The following BAZ1B variants were observed in gnomAD, a reference collection of about 807,000 sequenced individuals.
BAZ1B encodes bromodomain adjacent to zinc finger domain 1B.
In BAZ1B, 22 loss-of-function variants were observed where a neutral mutation model predicts 153.8. That is an observed-to-expected ratio of 0.14 (90% confidence interval 0.10 to 0.20). The LOEUF (loss-of-function observed/expected upper bound fraction) is 0.20. BAZ1B is among the 10% of genes least tolerant of loss of function. BAZ1B has a pLI of 1.00. For synonymous variants in BAZ1B, 676 were observed against 633.4 expected (o/e 1.07, Z -1.01); for missense variants, 1,325 against 1,799.3 (o/e 0.74, Z 4.77).
intron 16 of BAZ1B, among the ~76,000 whole-genome samples, chr7:73,445,930 G>A (rs183576279): frequency 4.3e-4 from 66 of 152,338 alleles, no homozygotes; most frequent in African/African-American, 1.5e-3. Flanking sequence ...ACCAACAGAA[G>A]AGGATATTCC....
intron 12 of BAZ1B, 192 bp downstream of exon 12, chr7:73,462,730 G>A: frequency 1.6e-6 from 1 of 613,612 alleles, no homozygotes; most frequent in Non-Finnish European, 2.8e-6. Context: ...AGTTTTTCTG[G>A]ATAGCAGCAA....
At chr7:73,501,613 A>G (rs182699448) in intron 3 of BAZ1B, among the ~76,000 whole-genome samples, 10 of 152,248 alleles carry the variant, frequency 6.6e-5, no homozygotes, top group Admixed American at 3.3e-4. Context: ...CATCTGTCCT[A>G]AAGTTTGTAA....
chr7:73,447,108 T>C (rs1583883928), intron 16 of BAZ1B, among the ~76,000 whole-genome samples, 156 bp downstream of exon 16: 1 of 152,182 alleles, frequency 6.6e-6, no homozygotes, highest in East Asian at 1.9e-4. Context: ...TGGAAACCCA[T>C]TTAAACCCAT....
intron 13 of BAZ1B, among the ~76,000 whole-genome samples, chr7:73,459,129 T>C (rs1363057252): frequency 6.6e-6 from 1 of 151,480 alleles, no homozygotes; most frequent in African/African-American, 2.4e-5. Context: ...GCACCTGTAG[T>C]CCCAGCTACT....
intron 11 of BAZ1B, chr7:73,464,144 C>A (rs1353409973): frequency 1.0e-6 from 1 of 984,830 alleles, no homozygotes; most frequent in African/African-American, 1.7e-5. Flanking sequence ...AAAAGTCTGG[C>A]AATGGTGTAG....
chr7:73,487,648 T>C (rs1363717707), intron 6 of BAZ1B, among the ~76,000 whole-genome samples: 2 of 152,184 alleles, frequency 1.3e-5, no homozygotes, highest in Non-Finnish European at 2.9e-5. Flanking sequence ...GGAGTTCTCA[T>C]ATAGCGAAGA....
At chr7:73,470,758 C>G (rs946076564) in intron 7 of BAZ1B, among the ~76,000 whole-genome samples, 3 of 152,152 alleles carry the variant, frequency 2.0e-5, no homozygotes, top group Non-Finnish European at 4.4e-5. Flanking sequence ...TGTTTTGAGG[C>G]AGAGTCTTGC....
In BAZ1B at chr7:73,476,857, T is replaced by C. The variant is rs781936292; in HGVS notation, c.2593+11A>G. On this transcript the variant is annotated intron_variant, in intron 7 of 19. Transcript: ENST00000339594. ...CAGAGCTTCCCCTTTTCTCTCAGCATGAAATTTTACCTTTCATTTCTCTTT... is the reference window on the plus strand; with the variant it reads ...CAGAGCTTCCCCTTTTCTCTCAGCACGAAATTTTACCTTTCATTTCTCTTT... The C allele has an allele frequency of 1.3e-6, 2 of 1,579,942 alleles. No homozygotes were observed. The highest frequency in any genetic ancestry group is 2.0e-5 in the Admixed American group (1 of 51,120).
chr7:73,518,769 T>C (rs555887161), intron 1 of BAZ1B, among the ~76,000 whole-genome samples: 1 of 152,104 alleles, frequency 6.6e-6, no homozygotes, highest in Non-Finnish European at 1.5e-5. Context: ...AGATTAACAG[T>C]ATGAATAAGC....
At chr7:73,446,546 CAAAAAAAAAA>C (rs1175189600) in intron 16 of BAZ1B, among the ~76,000 whole-genome samples, 22 of 41,534 alleles carry the variant, frequency 5.3e-4, no homozygotes, top group African/African-American at 1.2e-3. Flanking sequence ...GAGACCATCT[CAAAAAAAAAA>C]AAAAAAAAAA....
intron 4 of BAZ1B, among the ~76,000 whole-genome samples, chr7:73,496,539 C>T (rs1177793987): frequency 2.6e-5 from 4 of 152,170 alleles, no homozygotes; most frequent in Admixed American, 2.6e-4. Flanking sequence ...GAGACCAATA[C>T]ACACCAAACA....
rs537957523 is a variant in BAZ1B at position 73,512,102 on chromosome 7, C to G, written c.108-1250G>C. On this transcript the variant is annotated intron_variant, in intron 1 of 19. Transcript: ENST00000339594. ...ATGAGGTGACTAGGCCACAGTCTCA[C>G]AGGCAGTTTGGAATAACCTTGAGCA... Among the ~76,000 whole-genome samples the G allele has an allele frequency of 2.8e-4, 41 of 144,648 alleles. No homozygotes were observed. The Middle Eastern group carries it at 0.011, about 38-fold the overall frequency. The allele number at this position is 144,648 out of a possible 152,430, so 94.9% of individuals were successfully genotyped here. A position where few individuals can be genotyped will look rare whatever the true frequency, so the allele number is the denominator to read the frequency against.
intron 17 of BAZ1B, among the ~76,000 whole-genome samples, chr7:73,443,638 A>C (rs1787713957): frequency 6.6e-6 from 1 of 152,252 alleles, no homozygotes; most frequent in South Asian, 2.1e-4. Flanking sequence ...TCGACTCAAC[A>C]GTAAGTGAGG....
At chr7:73,489,085 C>T (rs1409069583) in intron 6 of BAZ1B, 109 bp downstream of exon 6, 1 of 1,179,034 alleles carries the variant, frequency 8.5e-7, no homozygotes, top group African/African-American at 1.6e-5. Context: ...ATTTTTAATT[C>T]ATTATCTGAT....
At chr7:73,461,193 C>G (rs1788385222) in intron 12 of BAZ1B, among the ~76,000 whole-genome samples, 1 of 152,132 alleles carries the variant, frequency 6.6e-6, no homozygotes, top group Admixed American at 6.5e-5. Context: ...TCAGACTGGT[C>G]TCGAACTCCC....
chr7:73,474,228 C>T (rs941893782), intron 7 of BAZ1B, among the ~76,000 whole-genome samples: 1 of 151,658 alleles, frequency 6.6e-6, no homozygotes, highest in South Asian at 2.1e-4. Flanking sequence ...AACTGGAGAG[C>T]CACATGCAAA....
rs782270526 is a variant in BAZ1B, at chr7:73,508,456, A to G, written c.240T>C (p.Phe80=). ...QEVAELLKEE[F]PAWYEKLVLE... Reference sequence around the variant, plus strand: ...GAACAAGCTTCTCATACCAGGCAGGAAACTCCTCCTTCAAACTAAATAAAT... The same window carrying G: ...GAACAAGCTTCTCATACCAGGCAGGGAACTCCTCCTTCAAACTAAATAAAT... Residue 80 remains phenylalanine, a synonymous_variant, in exon 3 of 20, where the codon TTT becomes TTC. Coordinates refer to ENST00000339594, the MANE Select transcript of BAZ1B (RefSeq NM_032408.4). The G allele has an allele frequency of 8.7e-6, 14 of 1,611,488 alleles. No homozygotes were observed. The highest frequency in any genetic ancestry group is 1.2e-5 in the Non-Finnish European group (14 of 1,178,908).
intron 4 of BAZ1B, among the ~76,000 whole-genome samples, chr7:73,493,199 G>A (rs967211596): frequency 4.6e-5 from 7 of 152,170 alleles, no homozygotes; most frequent in Non-Finnish European, 8.8e-5. Flanking sequence ...GGTGGCTCAC[G>A]CCTGCAATCC....
rs782096338 is a variant in BAZ1B at position 73,450,417 on chromosome 7, G to A, written c.3580+430C>T. Among the ~76,000 whole-genome samples, 1 of 152,040 alleles carries A rather than the reference G, an allele frequency of 6.6e-6. No individual in the cohort carries two copies. The highest frequency in any genetic ancestry group is 1.5e-5 in the Non-Finnish European group (1 of 68,028). ...GCCACTGAAAAGCCAATCAGCAAGG[G>A]GCTTCTAACCATGAAGTTCCTTTTG... is the stretch of plus-strand genomic sequence containing the variant. On this transcript the variant is annotated intron_variant, in intron 14 of 19. Coordinates refer to ENST00000339594, the MANE Select transcript of BAZ1B (RefSeq NM_032408.4). This position sits in a 1 kb window ranked among gnomAD's most constrained non-coding sequence, Gnocchi z 4.1.
Sources: allele counts gnomAD v4.1 joint callset (sites outside exome capture counted in the v4.1 genomes callset), GRCh38; gene constraint gnomAD v4.1.1; non-coding constraint Gnocchi (gnomAD v3.1); transcripts MANE v1.5; gene names NCBI Gene and HGNC (gene_info 2026-07-23, HGNC 2026-07-21).